Variants in MBTD1 observed in about 807,000 individuals in gnomAD.
The protein encoded by MBTD1 is mbt domain containing 1, also known as MBT domain-containing protein 1.
A neutral mutation model predicts 87.8 loss-of-function variants in MBTD1; 24 were observed. The ratio of observed to expected loss-of-function variants is 0.27; its 90% CI spans 0.20 to 0.38. The LOEUF is 0.38. Among genes scored for constraint, MBTD1 ranks in the 10% least tolerant of loss-of-function variants. The pLI is 1.00. For synonymous variants in MBTD1, 237 were observed against 248.6 expected (o/e 0.95, Z 0.44); for missense variants, 436 against 760.2 (o/e 0.57, Z 5.02).
intron 12 of MBTD1, among the ~76,000 whole-genome samples, chr17:51,195,997 T>G (rs746143432): frequency 9.2e-5 from 14 of 152,114 alleles, no homozygotes; most frequent in Non-Finnish European, 1.8e-4. Context: ...AGCCTTGACC[T>G]CCCCGGCTCA....
intron 6 of MBTD1, among the ~76,000 whole-genome samples, chr17:51,214,730 G>A (rs1371417666): frequency 6.6e-6 from 1 of 152,028 alleles, no homozygotes; most frequent in African/African-American, 2.4e-5. Flanking sequence ...AAAGGCTCCC[G>A]ACTTGTACTC....
intron 5 of MBTD1, 139 bp from the exon 6 acceptor site, chr17:51,217,555 T>G: frequency 1.9e-6 from 1 of 524,564 alleles, no homozygotes; most frequent in South Asian, 2.9e-5. Flanking sequence ...AAAGATCAAA[T>G]AACTTCTCTA....
chr17:51,197,584 T>A (rs998241473), intron 12 of MBTD1, among the ~76,000 whole-genome samples: 13 of 151,560 alleles, frequency 8.6e-5, no homozygotes, highest in Admixed American at 6.6e-5. Context: ...CATGGCTCAC[T>A]GCAGCCAACT....
intron 16 of MBTD1, chr17:51,185,726 G>A (rs1239622930): frequency 2.0e-5 from 3 of 152,026 alleles, no homozygotes; most frequent in Non-Finnish European, 2.9e-5. Flanking sequence ...ATTCTGCAAT[G>A]AGGAATGTTC....
chr17:51,258,813 C>A (rs967565975), intron 2 of MBTD1, among the ~76,000 whole-genome samples: 1 of 152,200 alleles, frequency 6.6e-6, no homozygotes, highest in Non-Finnish European at 1.5e-5. Flanking sequence ...TGTAGAAAAA[C>A]ATCTTCAGGC....
chr17:51,218,703 A>G (rs553106232), intron 5 of MBTD1, among the ~76,000 whole-genome samples: 1 of 152,282 alleles, frequency 6.6e-6, no homozygotes, highest in Non-Finnish European at 1.5e-5. Flanking sequence ...TAAACCAAAT[A>G]AAAACATTAA....
intron 2 of MBTD1, among the ~76,000 whole-genome samples, chr17:51,258,442 T>C (rs1199884939): frequency 6.6e-6 from 1 of 152,150 alleles, no homozygotes; most frequent in African/African-American, 2.4e-5. Context: ...TTAAAAATAT[T>C]GTAAACTCTA....
Position 51,243,290 on chromosome 17 carries a change from CTTTT to C in MBTD1, c.-49+15849_-49+15852del, listed in dbSNP as rs112156225. 9.6e-5 allele frequency among the ~76,000 whole-genome samples: 14 copies of C among 145,616 alleles called. No individual in the cohort carries two copies. The East Asian group carries it at 2.4e-3, about 25-fold the overall frequency. Reference sequence around the variant, plus strand: ...GGTATGCCAGTATAGTTGTCACTGTCTTTTTTTTTTTTTTAAGCTCTCTATTTGG... The same window carrying C: ...GGTATGCCAGTATAGTTGTCACTGTCTTTTTTTTTTAAGCTCTCTATTTGG... On this transcript the variant is annotated intron_variant, in intron 2 of 16. Transcript: ENST00000586178.
chr17:51,231,456 G>A (rs1480914557), intron 2 of MBTD1, among the ~76,000 whole-genome samples: 3 of 151,306 alleles, frequency 2.0e-5, no homozygotes, highest in Admixed American at 2.0e-4. Flanking sequence ...TTTTTTAAAA[G>A]TACCATGGTC....
rs2050912484 is a variant in MBTD1, at chr17:51,193,534, T to G, written c.1373-24A>C. On this transcript the variant is annotated intron_variant, in intron 13 of 16. Transcript: ENST00000586178. ...ACCTAAAAAACACAACTGGTTTAAC[T>G]AGCAGTTCATTTAAAATTAGCATAA... The G allele has an allele frequency of 2.3e-6, 3 of 1,286,786 alleles. No homozygotes were observed. In the East Asian group the frequency reaches 6.9e-5, roughly 30 times the overall value. 79.7% of individuals were successfully genotyped at this position (1,286,786 alleles called of 1,614,324 possible).
chr17:51,195,266 A>T lies in MBTD1; in HGVS notation c.1320T>A (p.Ile440=), dbSNP rs1161885580. The T allele has an allele frequency of 6.2e-7, 1 of 1,613,560 alleles. No homozygotes were observed. The highest frequency in any genetic ancestry group is 2.2e-5 in the East Asian group (1 of 44,856). ...TAATTTCACAGAAACCGACAGGGAA[A>T]ATAGAAGGAGAGGTTGCATGGTAAC... The part of the protein sequence containing the change: ...WFCYHATSPS[I]FPVGFCEINM... Residue 440 remains isoleucine (I), a synonymous_variant, in exon 13 of 17, where the codon ATT becomes ATA. Transcript: ENST00000586178.
At chr17:51,195,521 T>A (rs180896969) in intron 12 of MBTD1, among the ~76,000 whole-genome samples, 160 bp from the exon 13 acceptor site, 23 of 152,300 alleles carry the variant, frequency 1.5e-4, no homozygotes, top group Admixed American at 1.4e-3. Flanking sequence ...GAAGTTCTAA[T>A]GAAAAAAATC....
intron 3 of MBTD1, among the ~76,000 whole-genome samples, chr17:51,222,902 G>A (rs1331769819): frequency 6.6e-6 from 1 of 151,758 alleles, no homozygotes; most frequent in Non-Finnish European, 1.5e-5. Flanking sequence ...CTGGGTACAA[G>A]CAATTCTCCT....
intron 2 of MBTD1, among the ~76,000 whole-genome samples, chr17:51,234,130 C>T (rs1365330482): frequency 6.6e-6 from 1 of 152,060 alleles, no homozygotes; most frequent in East Asian, 1.9e-4. Context: ...TGGCTCATGC[C>T]TGTAATTCCA....
intron 6 of MBTD1, 74 bp from the exon 7 acceptor site, chr17:51,207,079 T>TGAAA: frequency 1.4e-6 from 1 of 717,984 alleles, no homozygotes; most frequent in Non-Finnish European, 2.4e-6. Flanking sequence ...AATTAAGCAG[T>TGAAA]ACCATCAATA....
chr17:51,232,725 A>G (rs2053611800), intron 2 of MBTD1, among the ~76,000 whole-genome samples: 1 of 152,124 alleles, frequency 6.6e-6, no homozygotes, highest in Non-Finnish European at 1.5e-5. Context: ...GATACTGGCT[A>G]AGAATTCTGC....
At chr17:51,182,173 G>A (rs1031797753) in intron 16 of MBTD1, among the ~76,000 whole-genome samples, 4 of 149,464 alleles carry the variant, frequency 2.7e-5, no homozygotes, top group African/African-American at 9.9e-5. Flanking sequence ...CACCCAGGCT[G>A]GAGTGCAGTG....
chr17:51,206,868 CTAT>C lies in MBTD1; in HGVS notation c.604+17_604+19del. 1 of 1,469,766 alleles carries C rather than the reference CTAT, an allele frequency of 6.8e-7. No individual in the cohort carries two copies. 91.0% of individuals were successfully genotyped at this position (1,469,766 alleles called of 1,614,324 possible). A position where few individuals can be genotyped will look rare whatever the true frequency, so the allele number is the denominator to read the frequency against. ...AAGGATCTCTGCATTTTCTACTAAACTATTATTCATGCTTTTCACCTGCTAATT... is the reference window on the plus strand; with the variant it reads ...AAGGATCTCTGCATTTTCTACTAAACTATTCATGCTTTTCACCTGCTAATT... On this transcript the variant is annotated intron_variant, in intron 7 of 16. Coordinates refer to ENST00000586178, the MANE Select transcript of MBTD1 (RefSeq NM_017643.3).
At chr17:51,225,428 T>G (rs116266995) in intron 2 of MBTD1, among the ~76,000 whole-genome samples, 5,587 of 151,582 alleles carry the variant, frequency 0.037, 293 homozygotes, top group African/African-American at 0.11. Flanking sequence ...CTTCGGTCAC[T>G]GCAACCTCCA....
Sources: gnomAD v4.1 joint callset for allele counts (sites outside exome capture counted in the v4.1 genomes callset) on GRCh38, gnomAD v4.1.1 for gene constraint, MANE v1.5 for transcripts, NCBI Gene and HGNC (gene_info 2026-07-23, HGNC 2026-07-21) for gene names.